Variants in USP10 observed in about 807,000 individuals in gnomAD.
The protein encoded by USP10 is ubiquitin carboxyl-terminal hydrolase 10.
Under a neutral mutation model 84.5 loss-of-function variants are expected in USP10, and 22 were observed. That is an observed-to-expected ratio of 0.26 (90% confidence interval 0.19 to 0.37). USP10 has a LOEUF of 0.37. Among genes scored for constraint, USP10 ranks in the 10% least tolerant of loss-of-function variants. The pLI is 1.00. For synonymous variants in USP10, 454 were observed against 387.6 expected (o/e 1.17, Z -2.01); for missense variants, 1,019 against 998.9 (o/e 1.02, Z -0.27).
intron 8 of USP10, among the ~76,000 whole-genome samples, chr16:84,762,203 C>G (rs556693108): frequency 5.9e-5 from 9 of 152,296 alleles, no homozygotes; most frequent in African/African-American, 2.2e-4. Flanking sequence ...AGTTTTTCCA[C>G]ATGTAGTTTG....
chr16:84,759,553 T>G lies in USP10; in HGVS notation c.1394+81T>G, dbSNP rs957507076. 6 of 1,318,058 alleles carry G rather than the reference T, an allele frequency of 4.6e-6. No individual in the cohort carries two copies. In the African/African-American group the frequency reaches 8.7e-5, roughly 19 times the overall value. 81.6% of individuals were successfully genotyped at this position (1,318,058 alleles called of 1,614,324 possible). A position where few individuals can be genotyped will look rare whatever the true frequency, so the allele number is the denominator to read the frequency against. ...TAGAATTGAAATAGTTTAGTAAAGC[T>G]CTTGATTTCCTGCAAATGAGTCCTA... On this transcript the variant is annotated intron_variant, in intron 6 of 13. Coordinates refer to ENST00000219473, the MANE Select transcript of USP10 (RefSeq NM_005153.3).
At chr16:84,763,225 C>A (rs1913416628) in intron 9 of USP10, 137 bp downstream of exon 9, 1 of 503,666 alleles carries the variant, frequency 2.0e-6, no homozygotes, top group Non-Finnish European at 3.6e-6. Flanking sequence ...CGATAACTTA[C>A]ACCATCGAGA....
chr16:84,774,909 A>G (rs1237243671), intron 12 of USP10, among the ~76,000 whole-genome samples: 10 of 152,194 alleles, frequency 6.6e-5, no homozygotes, highest in East Asian at 1.9e-4. Flanking sequence ...GGCCTCCCAC[A>G]GGAGCATCAC....
chr16:84,714,973 A>G lies in USP10; in HGVS notation c.21+14862A>G, dbSNP rs377480784. 6.7e-5 allele frequency among the ~76,000 whole-genome samples: 10 copies of G among 148,770 alleles called. 1 individual carries two copies. Among genetic ancestry groups the G allele is most frequent in the Admixed American group, 5.4e-4 (8 of 14,734 alleles). On this transcript the variant is annotated intron_variant, in intron 1 of 13. Transcript: ENST00000219473. ...GAGATGGAGTCTTGCTCTGTCGCCC[A>G]GGCTGGAGTGCAGTTCGCAGTCTCG...
intron 11 of USP10, among the ~76,000 whole-genome samples, chr16:84,771,436 A>T (rs1322383966): frequency 6.6e-6 from 1 of 152,102 alleles, no homozygotes; most frequent in Non-Finnish European, 1.5e-5. Flanking sequence ...TCAAGGCTGC[A>T]GTGAGTCCTC....
intron 10 of USP10, among the ~76,000 whole-genome samples, chr16:84,767,789 TA>T (rs34132997): frequency 0.27 from 40,927 of 151,366 alleles, 6,358 homozygotes; most frequent in Non-Finnish European, 0.36. Context: ...TTTTTTAATT[TA>T]TTTTTTTATT....
At chr16:84,717,527 C>T (rs975824668) in intron 1 of USP10, among the ~76,000 whole-genome samples, 1 of 152,088 alleles carries the variant, frequency 6.6e-6, no homozygotes, top group Non-Finnish European at 1.5e-5. Context: ...CAATAAGTGT[C>T]GATTTAGCTT....
Position 84,740,377 on chromosome 16 carries a change from A to G in USP10, c.151+8A>G, listed in dbSNP as rs776836845. 3 of 1,611,176 alleles carry G rather than the reference A, an allele frequency of 1.9e-6. No homozygotes were observed. The Admixed American group carries it at 5.0e-5, about 27-fold the overall frequency. Reference sequence around the variant, plus strand: ...TGGATAAACTACCTGATGGTAAGCTAGTTCTCTCCTTATTTCCCTGAAGGG... The same window carrying G: ...TGGATAAACTACCTGATGGTAAGCTGGTTCTCTCCTTATTTCCCTGAAGGG... On this transcript the variant is annotated splice_region_variant and intron_variant, in intron 3 of 13. Transcript: ENST00000219473.
chr16:84,723,983 C>A (rs1006641216), intron 1 of USP10, among the ~76,000 whole-genome samples: 2 of 152,078 alleles, frequency 1.3e-5, no homozygotes, highest in African/African-American at 4.8e-5. Context: ...AAGGTCAGCA[C>A]CAAGGTGATT....
chr16:84,709,524 C>G (rs375070253), intron 1 of USP10, among the ~76,000 whole-genome samples: 4 of 152,044 alleles, frequency 2.6e-5, no homozygotes, highest in Admixed American at 1.3e-4. Flanking sequence ...ATCACATTGC[C>G]TTTTGGGATC....
At chr16:84,752,123 T>C (rs183264363) in intron 4 of USP10, among the ~76,000 whole-genome samples, 14 of 152,332 alleles carry the variant, frequency 9.2e-5, no homozygotes, top group South Asian at 2.1e-4. Context: ...ATGTGAGTTA[T>C]TACAAAAGTG....
At chr16:84,750,683 C>T (rs1911826107) in intron 4 of USP10, among the ~76,000 whole-genome samples, 1 of 152,098 alleles carries the variant, frequency 6.6e-6, no homozygotes, top group Non-Finnish European at 1.5e-5. Flanking sequence ...CAAATAGAGC[C>T]ATTTTGTATT....
intron 1 of USP10, among the ~76,000 whole-genome samples, chr16:84,718,712 C>T (rs924128805): frequency 1.3e-5 from 2 of 150,494 alleles, no homozygotes; most frequent in Non-Finnish European, 3.0e-5. Context: ...ACTGAGATTG[C>T]GCCACTGCAC....
intron 4 of USP10, among the ~76,000 whole-genome samples, chr16:84,756,438 C>G (rs551015962): frequency 6.6e-6 from 1 of 152,050 alleles, no homozygotes; most frequent in Non-Finnish European, 1.5e-5. Flanking sequence ...CCTAAAAATA[C>G]AAAAATTAGC....
intron 2 of USP10, 118 bp downstream of exon 2, chr16:84,733,621 A>G (rs1446861675): frequency 1.4e-5 from 9 of 665,494 alleles, no homozygotes; most frequent in Non-Finnish European, 1.9e-5. Context: ...ATGGAGACTA[A>G]TATGAGAAAT....
intron 1 of USP10, among the ~76,000 whole-genome samples, chr16:84,716,803 A>G (rs1359689029): frequency 6.6e-6 from 1 of 152,220 alleles, no homozygotes; most frequent in African/African-American, 2.4e-5. Context: ...TACACCTTAC[A>G]ATTACATGGG....
chr16:84,748,432 T>C (rs779569587), intron 4 of USP10, among the ~76,000 whole-genome samples: 13 of 151,934 alleles, frequency 8.6e-5, no homozygotes, highest in Non-Finnish European at 1.8e-4. Flanking sequence ...GCCTCCCTAG[T>C]AGCTGGGACT....
chr16:84,712,195 C>G (rs929110929), intron 1 of USP10, among the ~76,000 whole-genome samples: 2 of 152,144 alleles, frequency 1.3e-5, no homozygotes, highest in Admixed American at 1.3e-4. Flanking sequence ...GGCCCTTATA[C>G]TTTGATTCTG....
At position 84,720,840 on chromosome 16, in the gene USP10, G is replaced by A. The variant is rs1395523504; in HGVS notation, c.22-12595G>A. Among the ~76,000 whole-genome samples the A allele has an allele frequency of 8.0e-5, 12 of 149,860 alleles. No individual in the cohort carries two copies. The East Asian group carries it at 1.2e-3, about 15-fold the overall frequency. On this transcript the variant is annotated intron_variant, in intron 1 of 13. Coordinates refer to ENST00000219473, the MANE Select transcript of USP10 (RefSeq NM_005153.3). ...CTCATGATCTGCCCACCTCGACGTC[G>A]CAAAGTGCTGGGATTACAGTCCTGG...
Sources: gnomAD v4.1 joint callset for allele counts (sites outside exome capture counted in the v4.1 genomes callset) on GRCh38, gnomAD v4.1.1 for gene constraint, MANE v1.5 for transcripts, NCBI Gene and HGNC (gene_info 2026-07-23, HGNC 2026-07-21) for gene names.